The following AFF1 variants were observed in gnomAD, a reference collection of about 807,000 sequenced individuals.
The protein encoded by AFF1 is AF4/FMR2 family member 1.
Under a neutral mutation model 121.7 loss-of-function variants are expected in AFF1, and 48 were observed. The observed-to-expected ratio is 0.39, with a 90% CI of 0.31 to 0.50. AFF1 has a LOEUF of 0.50. AFF1 is among the 20% of genes least tolerant of loss of function. The pLI is 0.76. For missense variants in AFF1, 1,523 were observed against 1,511.7 expected (o/e 1.01, Z -0.12); for synonymous variants, 613 against 563.0 (o/e 1.09, Z -1.26).
rs368044404 is a variant in AFF1, at chr4:87,116,789, A to G, written c.2466+1490A>G. On this transcript the variant is annotated intron_variant, in intron 12 of 20. Coordinates refer to ENST00000395146, the MANE Select transcript of AFF1 (RefSeq NM_001166693.3). ...CTCAGCTAGAAGAGGGCATATTTTC[A>G]TGCCAGAAACTTCTTTAAACTTTTT... 1.1e-4 allele frequency among the ~76,000 whole-genome samples: 16 copies of G among 152,284 alleles called. No individual in the cohort carries two copies. The South Asian group carries it at 2.9e-3, about 28-fold the overall frequency.
At chr4:86,979,534 G>A (rs1378801778) in intron 2 of AFF1, among the ~76,000 whole-genome samples, 1 of 152,184 alleles carries the variant, frequency 6.6e-6, no homozygotes, top group Admixed American at 6.5e-5. Context: ...GATTTTTAAG[G>A]AGGATTTCAA....
intron 1 of AFF1, among the ~76,000 whole-genome samples, chr4:86,939,616 A>G (rs143003952): frequency 2.0e-5 from 3 of 152,364 alleles, no homozygotes; most frequent in African/African-American, 4.8e-5. Flanking sequence ...CTTGAAAACT[A>G]TTATTCAACT....
chr4:86,981,541 G>C (rs577408543), intron 2 of AFF1, among the ~76,000 whole-genome samples: 60 of 151,998 alleles, frequency 3.9e-4, no homozygotes, highest in Non-Finnish European at 7.5e-4. Flanking sequence ...GCTAATTTTT[G>C]TATTTTTAGT....
In AFF1 at chr4:87,076,142, C is replaced by T. The variant is rs563866630; in HGVS notation, c.1060-7978C>T. Among the ~76,000 whole-genome samples, 14 of 152,176 alleles carry T rather than the reference C, an allele frequency of 9.2e-5. 1 individual carries two copies. Among genetic ancestry groups the T allele is most frequent in the Admixed American group, 5.9e-4 (9 of 15,272 alleles). ...GCAGCCAGTGGTTGTGATGCACTAC[C>T]CCCTTCTTCTAGGTTCCCCCAATAG... On this transcript the variant is annotated intron_variant, in intron 4 of 20. Coordinates refer to ENST00000395146, the MANE Select transcript of AFF1 (RefSeq NM_001166693.3).
chr4:87,022,313 A>G (rs1427171629), intron 2 of AFF1, among the ~76,000 whole-genome samples: 1 of 151,704 alleles, frequency 6.6e-6, no homozygotes, highest in African/African-American at 2.4e-5. Context: ...ACATTGTGCT[A>G]GGAGCCAAGG....
At chr4:86,938,444 C>T (rs796850122) in intron 1 of AFF1, among the ~76,000 whole-genome samples, 15 of 126,702 alleles carry the variant, frequency 1.2e-4, no homozygotes, top group Non-Finnish European at 1.6e-4. Flanking sequence ...AGCAAGACTC[C>T]GTCTCAAAAA....
At chr4:86,984,936 A>G (rs1724086618) in intron 2 of AFF1, among the ~76,000 whole-genome samples, 1 of 151,638 alleles carries the variant, frequency 6.6e-6, no homozygotes, top group Non-Finnish European at 1.5e-5. Flanking sequence ...ATAAAAATAA[A>G]AAAGACAAAT....
At chr4:87,007,203 G>A in intron 2 of AFF1, 1 of 1,427,674 alleles carries the variant, frequency 7.0e-7, no homozygotes, top group South Asian at 1.5e-5. Flanking sequence ...TGTCCATCAG[G>A]ATTAGCGCGA....
At chr4:87,106,609 A>G (rs1022054293) in intron 10 of AFF1, among the ~76,000 whole-genome samples, 8 of 152,190 alleles carry the variant, frequency 5.3e-5, no homozygotes, top group African/African-American at 1.7e-4. Flanking sequence ...CCAGCAGTAC[A>G]TTTTAGTGTG....
intron 2 of AFF1, among the ~76,000 whole-genome samples, chr4:87,043,719 T>C (rs994521825): frequency 1.3e-5 from 2 of 152,254 alleles, no homozygotes; most frequent in Admixed American, 1.3e-4. Context: ...TTATTAACTT[T>C]GTGGTTTTAA....
intron 4 of AFF1, among the ~76,000 whole-genome samples, chr4:87,072,706 T>A (rs535700665): frequency 2.6e-5 from 4 of 152,052 alleles, no homozygotes; most frequent in African/African-American, 9.6e-5. Flanking sequence ...TTTTTTTGTA[T>A]TTTTAGTAGA....
chr4:87,030,806 A>G (rs1481414765), intron 2 of AFF1, among the ~76,000 whole-genome samples: 2 of 152,138 alleles, frequency 1.3e-5, no homozygotes, highest in Non-Finnish European at 2.9e-5. Context: ...GCGTCCTGGT[A>G]CTCTGTGCAG....
intron 11 of AFF1, among the ~76,000 whole-genome samples, chr4:87,109,917 G>A (rs1726291571): frequency 6.6e-6 from 1 of 152,134 alleles, no homozygotes; most frequent in African/African-American, 2.4e-5. Flanking sequence ...TATATACTGA[G>A]GCTTATCCTC....
At chr4:87,010,746 A>G (rs340633) in intron 2 of AFF1, among the ~76,000 whole-genome samples, 96,190 of 152,076 alleles carry the variant, frequency 0.63, 33,329 homozygotes, top group South Asian at 0.8. Flanking sequence ...AATTCTAGAA[A>G]GGAAAATATA....
intron 2 of AFF1, 107 bp from the exon 3 acceptor site, chr4:87,046,059 T>C (rs1230220456): frequency 9.5e-6 from 13 of 1,373,568 alleles, no homozygotes; most frequent in African/African-American, 1.5e-5. Context: ...CATCACTGCT[T>C]CTTCCCAGAC....
intron 1 of AFF1, among the ~76,000 whole-genome samples, chr4:86,943,273 T>C (rs1419583161): frequency 6.6e-6 from 1 of 152,184 alleles, no homozygotes; most frequent in African/African-American, 2.4e-5. Context: ...AGAGGAACTG[T>C]AGATGATCAG....
intron 13 of AFF1, 59 bp from the exon 14 acceptor site, chr4:87,126,040 A>G (rs114429017): frequency 3.3e-4 from 505 of 1,532,318 alleles, no homozygotes; most frequent in Middle Eastern, 6.8e-4. Flanking sequence ...TAACTAAACA[A>G]CGAAGCCGCT....
At chr4:87,008,064 T>G (rs1163725881) in intron 2 of AFF1, among the ~76,000 whole-genome samples, 1 of 152,222 alleles carries the variant, frequency 6.6e-6, no homozygotes, top group East Asian at 1.9e-4. Flanking sequence ...TTGTTACTGT[T>G]TTTGTAATGA....
chr4:87,047,455 A>C lies in AFF1; in HGVS notation c.920A>C (p.Gln307Pro). The stretch of plus-strand genomic sequence containing the variant: ...GCTTATGTCCGGCCCATGGATGGTC[A>C]AGATCAGGCCCCTAGTGAATCCCCT... ...PTAYVRPMDG[Q>P]DQAPSESPEL... Residue 307 changes from glutamine to proline, a missense_variant, in exon 4 of 21, where the codon CAA becomes CCA. By Grantham distance (76) the Gln-to-Pro change is moderately conservative (BLOSUM62 -1). Transcript: ENST00000395146. The C allele has an allele frequency of 6.2e-7, 1 of 1,614,204 alleles. No homozygotes were observed. Among genetic ancestry groups the C allele is most frequent in the South Asian group, 1.1e-5 (1 of 91,078 alleles).
Sources: allele counts gnomAD v4.1 joint callset (sites outside exome capture counted in the v4.1 genomes callset), GRCh38; gene constraint gnomAD v4.1.1; transcripts MANE v1.5; gene names NCBI Gene and HGNC (gene_info 2026-07-23, HGNC 2026-07-21).